Variants in SLC16A12 observed in about 807,000 individuals in gnomAD.
SLC16A12 encodes the protein monocarboxylate transporter 12.
A neutral mutation model predicts 42.4 loss-of-function variants in SLC16A12; 17 were observed. That is an observed-to-expected ratio of 0.40 (90% CI 0.27 to 0.60). SLC16A12 has a LOEUF of 0.60. SLC16A12 is among the 20% of genes least tolerant of loss of function. The pLI, the probability that SLC16A12 is intolerant of heterozygous loss-of-function variation, is 0.42. For synonymous variants in SLC16A12, 224 were observed against 229.4 expected, an observed-to-expected ratio of 0.98 and a Z score of 0.21; for missense variants, 544 against 623.0, an observed-to-expected ratio of 0.87 and a Z score of 1.35.
At chr10:89,475,305 A>T (rs968239739) in intron 2 of SLC16A12, among the ~76,000 whole-genome samples, 2 of 152,124 alleles carry the variant, frequency 1.3e-5, no homozygotes, top group African/African-American at 2.4e-5. Context: ...AGCCTTACAG[A>T]CTTCTATCCT....
chr10:89,519,436 G>A (rs1021477131), intron 2 of SLC16A12, among the ~76,000 whole-genome samples: 3 of 152,022 alleles, frequency 2.0e-5, no homozygotes. Flanking sequence ...CGTTTTCCAC[G>A]TCAATTTACT....
At chr10:89,483,853 T>C (rs1316059903) in intron 2 of SLC16A12, among the ~76,000 whole-genome samples, 1 of 152,130 alleles carries the variant, frequency 6.6e-6, no homozygotes, top group Non-Finnish European at 1.5e-5. Context: ...TTACACATGT[T>C]CACTCATTTA....
chr10:89,539,857 T>TTTCCTTTCTTTC (rs1843700720), upstream of SLC16A12, among the ~76,000 whole-genome samples: 2 of 127,858 alleles, frequency 1.6e-5, no homozygotes, highest in African/African-American at 6.1e-5. Flanking sequence ...AGAAACAAAT[T>TTTCCTTTCTTTC]TTTCTTTCTT....
intron 3 of SLC16A12, among the ~76,000 whole-genome samples, chr10:89,459,019 T>G (rs951589534): frequency 6.6e-6 from 1 of 152,234 alleles, no homozygotes; most frequent in Non-Finnish European, 1.5e-5. Context: ...AGTAAAACAC[T>G]GTGAAAAGTA....
intron 3 of SLC16A12, among the ~76,000 whole-genome samples, chr10:89,447,178 G>A (rs112421106): frequency 0.031 from 4,768 of 152,178 alleles, 258 homozygotes; most frequent in African/African-American, 0.11. Context: ...ACGCCCCACT[G>A]TCAATATGAG....
At chr10:89,456,991 T>C (rs1282113224) in intron 3 of SLC16A12, among the ~76,000 whole-genome samples, 1 of 152,216 alleles carries the variant, frequency 6.6e-6, no homozygotes, top group Admixed American at 6.5e-5. Flanking sequence ...GTCTTTGCTA[T>C]TGTGAATAGG....
chr10:89,435,541 T>A (rs1433193343), intron 7 of SLC16A12, among the ~76,000 whole-genome samples: 1 of 152,198 alleles, frequency 6.6e-6, no homozygotes, highest in Non-Finnish European at 1.5e-5. Flanking sequence ...AATTGCTAGA[T>A]CACATTTTCT....
At chr10:89,528,563 T>C (rs537309650) in intron 2 of SLC16A12, among the ~76,000 whole-genome samples, 11 of 152,234 alleles carry the variant, frequency 7.2e-5, no homozygotes, top group East Asian at 5.8e-4. Flanking sequence ...CATTCAACCA[T>C]TGGGAAAAGC....
upstream of SLC16A12, among the ~76,000 whole-genome samples, chr10:89,539,857 T>TTTTCCTTC (rs1843700766): frequency 2.3e-5 from 3 of 127,858 alleles, no homozygotes; most frequent in East Asian, 2.4e-4. Flanking sequence ...AGAAACAAAT[T>TTTTCCTTC]TTTCTTTCTT....
intron 2 of SLC16A12, among the ~76,000 whole-genome samples, chr10:89,520,215 T>C (rs142277524): frequency 2.6e-5 from 4 of 152,236 alleles, no homozygotes; most frequent in African/African-American, 9.6e-5. Context: ...AATCAGGCTA[T>C]CTATATAAAA....
intron 6 of SLC16A12, among the ~76,000 whole-genome samples, chr10:89,436,914 A>AAG (rs796398100): frequency 9.1e-4 from 124 of 136,562 alleles, no homozygotes; most frequent in African/African-American, 3.1e-3. Context: ...GAAAGAAAGA[A>AAG]AAAGAAAGAG....
intron 2 of SLC16A12, among the ~76,000 whole-genome samples, chr10:89,523,572 AC>A: frequency 6.6e-6 from 1 of 151,800 alleles, no homozygotes; most frequent in Middle Eastern, 3.2e-3. Context: ...TTCCCTACCA[AC>A]CCCTGCTTCT....
chr10:89,462,340 C>G, intron 3 of SLC16A12, 39 bp downstream of exon 3: 1 of 1,613,328 alleles, frequency 6.2e-7, no homozygotes, highest in Non-Finnish European at 8.5e-7. Context: ...AAAGACAGGC[C>G]AGGTCATCTT....
At chr10:89,538,423 TA>T (rs1198637850), upstream of SLC16A12, among the ~76,000 whole-genome samples, 1 of 152,240 alleles carries the variant, frequency 6.6e-6, no homozygotes, top group Admixed American at 6.5e-5. Flanking sequence ...TTTTTACTAC[TA>T]GTCTGTTGCA....
At chr10:89,485,208 C>T (rs1357467065) in intron 2 of SLC16A12, among the ~76,000 whole-genome samples, 2 of 152,198 alleles carry the variant, frequency 1.3e-5, no homozygotes, top group East Asian at 3.8e-4. Flanking sequence ...TCAGGGTGTG[C>T]TACTGGCATC....
chr10:89,459,905 C>A (rs533164050), intron 3 of SLC16A12, among the ~76,000 whole-genome samples: 7 of 152,234 alleles, frequency 4.6e-5, no homozygotes, highest in Non-Finnish European at 7.3e-5. Flanking sequence ...CACGCCACTG[C>A]ACTTCCGCCT....
chr10:89,528,804 G>A (rs1490882484), intron 2 of SLC16A12, among the ~76,000 whole-genome samples: 3 of 152,098 alleles, frequency 2.0e-5, no homozygotes, highest in Non-Finnish European at 4.4e-5. Context: ...TCAGACCTAC[G>A]GAATCAGAAT....
intron 2 of SLC16A12, among the ~76,000 whole-genome samples, chr10:89,513,265 C>A (rs1189865373): frequency 4.6e-5 from 7 of 152,090 alleles, no homozygotes; most frequent in African/African-American, 1.7e-4. Context: ...TAAATGTACT[C>A]TGTCTGATCA....
chr10:89,542,830 G>T (rs1197051323), intron 2 of SLC16A12, among the ~76,000 whole-genome samples: 2 of 151,972 alleles, frequency 1.3e-5, no homozygotes, highest in East Asian at 1.9e-4. Flanking sequence ...GGACTCTTTT[G>T]CCTGTTGGTT....
Sources: gnomAD v4.1 joint callset for allele counts (sites outside exome capture counted in the v4.1 genomes callset) on GRCh38, gnomAD v4.1.1 for gene constraint, MANE v1.5 for transcripts, NCBI Gene and HGNC (gene_info 2026-07-23, HGNC 2026-07-21) for gene names.